The following NUMA1 variants were observed in gnomAD, a reference collection of about 807,000 sequenced individuals.
NUMA1 encodes SP-H antigen.
In NUMA1, 62 loss-of-function variants were observed where a neutral mutation model predicts 237.1. The ratio of observed to expected loss-of-function variants is 0.26; its 90% confidence interval spans 0.21 to 0.32. The LOEUF (loss-of-function observed/expected upper bound fraction) is 0.32. Among genes scored for constraint, NUMA1 ranks in the 10% least tolerant of loss-of-function variants. The pLI, the probability that NUMA1 is intolerant of heterozygous loss-of-function variation, is 1.00. For synonymous variants in NUMA1, 1,028 were observed against 1,066.1 expected (o/e 0.96, Z 0.70); for missense variants, 2,533 against 2,666.5 (o/e 0.95, Z 1.10).
At chr11:72,008,394 C>A in intron 20 of NUMA1, 1 of 446,290 alleles carries the variant, frequency 2.2e-6, no homozygotes, top group Non-Finnish European at 4.1e-6. Flanking sequence ...CACATCTCAG[C>A]TTAGTCAGGC....
At position 72,015,017 on chromosome 11, in the gene NUMA1, G is replaced by A; in HGVS notation, c.2486C>T (p.Ala829Val). The A allele has an allele frequency of 1.2e-6, 2 of 1,614,096 alleles. No individual in the cohort carries two copies. The highest frequency in any genetic ancestry group is 8.5e-7 in the Non-Finnish European group (1 of 1,180,048). The change falls in exon 15 of 27, where the codon GCC becomes GTC. Residue 829 changes from alanine to valine, a missense_variant. Ala to Val is a moderately conservative substitution (Grantham distance 64, BLOSUM62 0). Around this residue, in one of 3 missense-constraint regions of NUMA1, gnomAD observed 1,414 missense variants for 1,508.1 expected, o/e 0.94. Coordinates refer to ENST00000393695, the MANE Select transcript of NUMA1 (RefSeq NM_006185.4). The surrounding 1 kb of genome is among the most constrained non-coding windows in gnomAD (Gnocchi z 4.0). ...DSQQEEAQYG[A>V]MFQEQLMTLK... ...AGTCATCAGCTGTTCCTGGAACATG[G>A]CGCCATACTGTGCCTCCTCTTGCTG...
intron 10 of NUMA1, 75 bp from the exon 11 acceptor site, chr11:72,018,588 G>A (rs1335125445): frequency 2.3e-6 from 3 of 1,321,330 alleles, no homozygotes; most frequent in African/African-American, 1.5e-5. Flanking sequence ...ACAGAACTAT[G>A]TGCACAAGGG....
At chr11:72,057,306 A>G (rs1457421035) in intron 2 of NUMA1, among the ~76,000 whole-genome samples, 1 of 152,210 alleles carries the variant, frequency 6.6e-6, no homozygotes. Flanking sequence ...GGTTCCTTCA[A>G]TGCTCGTTCT....
intron 16 of NUMA1, among the ~76,000 whole-genome samples, chr11:72,011,318 C>T (rs983215104): frequency 1.4e-4 from 22 of 152,246 alleles, no homozygotes; most frequent in African/African-American, 5.1e-4. Context: ...GACCTCTTCC[C>T]AACATCCACA....
chr11:72,073,306 C>CAAA (rs58179034), intron 1 of NUMA1, among the ~76,000 whole-genome samples: 1 of 69,252 alleles, frequency 1.4e-5, no homozygotes, highest in Non-Finnish European at 3.2e-5. Flanking sequence ...GACCCTGTCT[C>CAAA]AAAAAAAAAA....
At chr11:72,035,664 G>GC (rs1940940766) in intron 3 of NUMA1, among the ~76,000 whole-genome samples, 1 of 152,072 alleles carries the variant, frequency 6.6e-6, no homozygotes, top group Non-Finnish European at 1.5e-5. Context: ...ACCTGCCTCG[G>GC]CCTCCCAAAG....
Position 72,063,058 on chromosome 11 carries a change from C to T in NUMA1, c.-33+6784G>A, listed in dbSNP as rs191455827. Among the ~76,000 whole-genome samples, 22 of 151,864 alleles carry T rather than the reference C, an allele frequency of 1.4e-4. No individual in the cohort carries two copies. In the East Asian group the frequency reaches 3.1e-3, roughly 21 times the overall value. ...TGCACTCCAGCCTGGGCAACAAGAG[C>T]GAAACTCCATCTCAAAAACAAAACA... On this transcript the variant is annotated intron_variant, in intron 2 of 26. Coordinates refer to ENST00000393695, the MANE Select transcript of NUMA1 (RefSeq NM_006185.4).
intron 1 of NUMA1, among the ~76,000 whole-genome samples, chr11:72,078,163 C>T (rs1163843491): frequency 1.3e-5 from 2 of 152,208 alleles, no homozygotes; most frequent in African/African-American, 4.8e-5. Context: ...GGCAAGCCAC[C>T]ATGCCCAGCT....
chr11:72,015,613 G>A lies in NUMA1; in HGVS notation c.1890C>T (p.Ala630=), dbSNP rs769999465. The A allele has an allele frequency of 2.5e-6, 4 of 1,613,634 alleles. No homozygotes were observed. The highest frequency in any genetic ancestry group is 2.2e-5 in the South Asian group (2 of 91,084). ...LQQQLQVANE[A]RDSAQTSVTQ... ...TCACTGAGGTCTGGGCACTGTCCCG[G>A]GCTTCATTAGCCACCTGAAGTTGCT... The change falls in exon 15 of 27, where the codon GCC becomes GCT. Residue 630 remains alanine, a synonymous_variant. Coordinates refer to ENST00000393695, the MANE Select transcript of NUMA1 (RefSeq NM_006185.4). This position sits in a 1 kb window ranked among gnomAD's most constrained non-coding sequence, Gnocchi z 4.0.
chr11:72,066,686 C>T (rs1943217419), intron 2 of NUMA1: 1 of 152,360 alleles, frequency 6.6e-6, no homozygotes, highest in African/African-American at 2.4e-5. Flanking sequence ...AACAATTGTT[C>T]TTTCCTCTAT....
rs748606133 is a variant in NUMA1, at chr11:72,004,681, G to A, written c.5965C>T (p.Arg1989Trp). 2 of 1,613,574 alleles carry A rather than the reference G, an allele frequency of 1.2e-6. No homozygotes were observed. The highest frequency in any genetic ancestry group is 8.5e-7 in the Non-Finnish European group (1 of 1,179,972). ...CCCTGGTGGGGCTCTAGGGAGACCC[G>A]TTTGCGCTGCTGCCGGGTGGTGATG... ...TGITTRQQRK[R>W]VSLEPHQGPG... The change falls in exon 24 of 27, where the codon CGG becomes TGG. Residue 1989 changes from arginine to tryptophan, a missense_variant. Physicochemically the swap from Arg to Trp is moderately radical, Grantham distance 101. Transcript: ENST00000393695.
At chr11:72,012,620 A>C (rs1956230358) in intron 15 of NUMA1, among the ~76,000 whole-genome samples, 178 bp from the exon 16 acceptor site, 1 of 152,224 alleles carries the variant, frequency 6.6e-6, no homozygotes, top group East Asian at 1.9e-4. Flanking sequence ...TGAGGCATCC[A>C]GTGCAGGTGT....
chr11:72,005,193 G>A (rs2134407811), intron 23 of NUMA1, 40 bp downstream of exon 23: 2 of 1,533,024 alleles, frequency 1.3e-6, no homozygotes, highest in African/African-American at 1.4e-5. Flanking sequence ...CCAAGGGAGG[G>A]CAGGGATGGG....
intron 3 of NUMA1, 82 bp from the exon 4 acceptor site, chr11:72,029,372 C>T: frequency 2.5e-6 from 2 of 805,378 alleles, no homozygotes; most frequent in Non-Finnish European, 4.0e-6. Context: ...AATGTGAGTG[C>T]TTACAGTTGT....
At chr11:72,077,641 T>G (rs1943772453) in intron 1 of NUMA1, among the ~76,000 whole-genome samples, 1 of 151,784 alleles carries the variant, frequency 6.6e-6, no homozygotes, top group Non-Finnish European at 1.5e-5. Context: ...AATGAAACCC[T>G]GTCTCTACTA....
At chr11:72,039,256 T>C (rs556897660) in intron 2 of NUMA1, among the ~76,000 whole-genome samples, 41 of 152,346 alleles carry the variant, frequency 2.7e-4, no homozygotes, top group Non-Finnish European at 4.6e-4. Context: ...GAGGGTCAAG[T>C]TGCTGAGCTC....
chr11:72,013,861 G>A lies in NUMA1; in HGVS notation c.3642C>T (p.Ala1214=), dbSNP rs1802254617. Residue 1214 remains alanine (A), a synonymous_variant, in exon 15 of 27, where the codon GCC becomes GCT. Coordinates refer to ENST00000393695, the MANE Select transcript of NUMA1 (RefSeq NM_006185.4). The surrounding 1 kb of genome is among the most constrained non-coding windows in gnomAD (Gnocchi z 6.8). ...TCCTCTCAGCCTCTTGCCGGCCCCG[G>A]GCCACCTGGGCCTTCCACTCATCTT... ...KAEDEWKAQV[A]RGRQEAERKN... is the part of the protein sequence containing the mutation. 2 of 1,613,416 alleles carry A rather than the reference G, an allele frequency of 1.2e-6. No individual in the cohort carries two copies. Among genetic ancestry groups the A allele is most frequent in the Non-Finnish European group, 1.7e-6 (2 of 1,180,028 alleles).
At position 72,004,832 on chromosome 11, in the gene NUMA1, A is replaced by T. The variant is rs1485787094; in HGVS notation, c.5830-16T>A. 6.4e-7 allele frequency: 1 copy of T among 1,553,750 alleles called. No homozygotes were observed. Among genetic ancestry groups the T allele is most frequent in the African/African-American group, 1.4e-5 (1 of 72,826 alleles). On this transcript the variant is annotated splice_polypyrimidine_tract_variant and intron_variant, in intron 23 of 26. Transcript: ENST00000393695. ...TCAGGGAAGGCTGCATGGGTGGAAG[A>T]GGTGGTCAGTGGACCATAGCTGTAT...
intron 1 of NUMA1, among the ~76,000 whole-genome samples, chr11:72,075,544 T>C (rs1355685685): frequency 2.6e-5 from 4 of 152,224 alleles, no homozygotes; most frequent in Non-Finnish European, 4.4e-5. Context: ...CTCCAGAGAA[T>C]CTGGGTACAG....
Sources: gnomAD v4.1 joint callset for allele counts (sites outside exome capture counted in the v4.1 genomes callset) on GRCh38, gnomAD v4.1.1 for gene constraint, gnomAD v4.1.1 regional missense constraint, Gnocchi (gnomAD v3.1) non-coding constraint, MANE v1.5 for transcripts, NCBI Gene and HGNC (gene_info 2026-07-23, HGNC 2026-07-21) for gene names.